Variants in ZNF804B observed in about 807,000 individuals in gnomAD.
The protein encoded by ZNF804B is zinc finger protein 804B.
In ZNF804B, 80 loss-of-function variants were observed where a neutral mutation model predicts 101.4. The observed-to-expected ratio is 0.79, with a 90% confidence interval of 0.66 to 0.95. The LOEUF (loss-of-function observed/expected upper bound fraction) is 0.95, where lower values mean the gene tolerates loss of function less well. Ranked by LOEUF, ZNF804B falls within the 40% of genes least tolerant of loss-of-function variation. ZNF804B has a pLI of 0.00. For missense variants in ZNF804B, 1,673 were observed against 1,561.9 expected, an observed-to-expected ratio of 1.07 and a Z score of -1.20; for synonymous variants, 622 against 558.8, an observed-to-expected ratio of 1.11 and a Z score of -1.59.
At chr7:89,094,636 CA>C (rs1274762631) in intron 1 of ZNF804B, among the ~76,000 whole-genome samples, 1 of 152,034 alleles carries the variant, frequency 6.6e-6, no homozygotes, top group Non-Finnish European at 1.5e-5. Flanking sequence ...TCCTTTGCTA[CA>C]GTGTGTTTCT....
At chr7:89,186,365 G>A (rs1265327191) in intron 1 of ZNF804B, among the ~76,000 whole-genome samples, 1 of 152,022 alleles carries the variant, frequency 6.6e-6, no homozygotes, top group African/African-American at 2.4e-5. Flanking sequence ...GGCTTTGGGT[G>A]AATAAGAAGA....
chr7:88,766,184 C>A (rs1280180488), intron 1 of ZNF804B, among the ~76,000 whole-genome samples: 6 of 152,038 alleles, frequency 3.9e-5, no homozygotes, highest in Non-Finnish European at 5.9e-5. Context: ...GTGGCTCATA[C>A]CTATAGTCGT....
intron 1 of ZNF804B, among the ~76,000 whole-genome samples, chr7:89,142,791 G>T (rs1220235853): frequency 6.6e-6 from 1 of 151,964 alleles, no homozygotes; most frequent in East Asian, 1.9e-4. Context: ...GAATACTGAT[G>T]TTACCAGGAA....
chr7:88,786,335 G>GA (rs1194897099), intron 1 of ZNF804B, among the ~76,000 whole-genome samples: 3 of 152,040 alleles, frequency 2.0e-5, no homozygotes, highest in Non-Finnish European at 4.4e-5. Context: ...CCTAGGATAT[G>GA]ACTCTGCATA....
chr7:89,313,977 C>T (rs1790682302), intron 2 of ZNF804B, among the ~76,000 whole-genome samples: 1 of 152,112 alleles, frequency 6.6e-6, no homozygotes, highest in Non-Finnish European at 1.5e-5. Context: ...GATGCTTGGA[C>T]ATGTCTTTTA....
At chr7:89,035,922 A>G (rs1788919170) in intron 1 of ZNF804B, among the ~76,000 whole-genome samples, 1 of 144,604 alleles carries the variant, frequency 6.9e-6, no homozygotes, top group Non-Finnish European at 1.5e-5. Context: ...ATTATATATA[A>G]TATATTAATA....
chr7:88,864,723 T>C (rs1468482695), intron 1 of ZNF804B, among the ~76,000 whole-genome samples: 1 of 151,978 alleles, frequency 6.6e-6, no homozygotes, highest in Non-Finnish European at 1.5e-5. Flanking sequence ...CCGAAAGCAA[T>C]GGGAAGAACT....
chr7:88,927,557 C>G (rs1466508367), intron 1 of ZNF804B, among the ~76,000 whole-genome samples: 1 of 152,036 alleles, frequency 6.6e-6, no homozygotes, highest in African/African-American at 2.4e-5. Flanking sequence ...TTGCCTTATC[C>G]CTGTCCTTAA....
At chr7:88,828,951 CA>C (rs1791090036) in intron 1 of ZNF804B, among the ~76,000 whole-genome samples, 3 of 151,658 alleles carry the variant, frequency 2.0e-5, no homozygotes, top group African/African-American at 2.4e-5. Context: ...TCTTAATGCA[CA>C]AAAAAAGGTC....
chr7:89,109,862 T>C (rs1790189663), intron 1 of ZNF804B, among the ~76,000 whole-genome samples: 1 of 152,182 alleles, frequency 6.6e-6, no homozygotes, highest in Admixed American at 6.5e-5. Flanking sequence ...GTCTTACTAG[T>C]GCATAATTCA....
chr7:89,192,141 A>C (rs1425944611), intron 1 of ZNF804B, among the ~76,000 whole-genome samples: 1 of 152,126 alleles, frequency 6.6e-6, no homozygotes, highest in Admixed American at 6.6e-5. Flanking sequence ...CACTACACAT[A>C]TTTAAAGTGC....
At chr7:88,926,938 G>GCGGT (rs113089451) in intron 1 of ZNF804B, among the ~76,000 whole-genome samples, 13 of 142,600 alleles carry the variant, frequency 9.1e-5, no homozygotes, top group African/African-American at 3.1e-4. Context: ...CCGGGTGGTG[G>GCGGT]GGAGCGGGGG....
At chr7:88,818,678 A>C (rs1281154890) in intron 1 of ZNF804B, among the ~76,000 whole-genome samples, 1 of 152,202 alleles carries the variant, frequency 6.6e-6, no homozygotes, top group East Asian at 1.9e-4. Flanking sequence ...AGGAAAAATA[A>C]ACTTAGACTT....
chr7:89,136,538 C>G (rs1180808656), intron 1 of ZNF804B, among the ~76,000 whole-genome samples: 2 of 152,160 alleles, frequency 1.3e-5, no homozygotes, highest in African/African-American at 2.4e-5. Flanking sequence ...TTTCCCCCAG[C>G]TTTTAATAAG....
chr7:89,248,466 G>GAAAAAAAAAAAAAAAAAA (rs139869508), intron 2 of ZNF804B, among the ~76,000 whole-genome samples: 2 of 140,814 alleles, frequency 1.4e-5, no homozygotes, highest in Non-Finnish European at 3.1e-5. Flanking sequence ...AGCATTCTTT[G>GAAAAAAAAAAAAAAAAAA]AAAAAAAAAG....
At chr7:88,994,881 A>G (rs1032858917) in intron 1 of ZNF804B, among the ~76,000 whole-genome samples, 2 of 152,072 alleles carry the variant, frequency 1.3e-5, no homozygotes, top group African/African-American at 4.8e-5. Flanking sequence ...TTCATTTTGC[A>G]TAGAGAGGAA....
intron 1 of ZNF804B, among the ~76,000 whole-genome samples, chr7:89,082,160 T>C (rs1356406587): frequency 2.6e-5 from 4 of 151,718 alleles, no homozygotes; most frequent in Non-Finnish European, 5.9e-5. Flanking sequence ...AGATTATTAA[T>C]AAATGCCAAC....
chr7:88,880,618 A>G (rs1276516393), intron 1 of ZNF804B, among the ~76,000 whole-genome samples: 1 of 152,008 alleles, frequency 6.6e-6, no homozygotes, highest in Non-Finnish European at 1.5e-5. Flanking sequence ...TGTCATTTCA[A>G]AGTTTAAAAT....
chr7:89,198,129 A>G (rs1355768927), intron 1 of ZNF804B, among the ~76,000 whole-genome samples: 1 of 151,836 alleles, frequency 6.6e-6, no homozygotes, highest in Admixed American at 6.6e-5. Flanking sequence ...ACATATTTTT[A>G]TTGCAATACT....
Sources: gnomAD v4.1 joint callset for allele counts (sites outside exome capture counted in the v4.1 genomes callset) on GRCh38, gnomAD v4.1.1 for gene constraint, MANE v1.5 for transcripts, NCBI Gene and HGNC (gene_info 2026-07-23, HGNC 2026-07-21) for gene names.